The following FMC1 variants were observed in gnomAD, a reference collection of about 807,000 sequenced individuals.
FMC1 encodes the protein protein FMC1 homolog.
Under a neutral mutation model 10.5 loss-of-function variants are expected in FMC1, and 6 were observed. That is an observed-to-expected ratio of 0.57 (90% CI 0.31 to 1.12). The LOEUF is 1.12. Ranked by LOEUF, FMC1 falls within the 50% of genes most tolerant of loss-of-function variation. The probability of loss-of-function intolerance (pLI) is 0.05; values close to 1 mark genes in which losing one functional copy is unlikely to be tolerated. For synonymous variants in FMC1, 59 were observed against 62.1 expected, an observed-to-expected ratio of 0.95 and a Z score of 0.24; for missense variants, 146 against 151.7, an observed-to-expected ratio of 0.96 and a Z score of 0.20.
intron 1 of FMC1, among the ~76,000 whole-genome samples, chr7:139,342,911 A>G (rs1336512939): frequency 1.3e-5 from 2 of 152,182 alleles, no homozygotes; most frequent in East Asian, 3.8e-4. Context: ...CATAGGGGAA[A>G]TGGTTTCTGT....
intron 1 of FMC1, among the ~76,000 whole-genome samples, chr7:139,344,522 G>C (rs1425672919): frequency 6.6e-6 from 1 of 151,812 alleles, no homozygotes; most frequent in Non-Finnish European, 1.5e-5. Context: ...TTTTTTCTGA[G>C]TATTTTTTAT....
chr7:139,341,280 G>A (rs1798940506), upstream of FMC1: 9 of 1,492,572 alleles, frequency 6.0e-6, no homozygotes, highest in Non-Finnish European at 8.0e-6. Context: ...TCGATAGGGG[G>A]AGTCGGTAGT....
upstream of FMC1, chr7:139,340,491 G>A (rs900266226): frequency 5.0e-6 from 2 of 398,472 alleles, no homozygotes; most frequent in African/African-American, 4.1e-5. Context: ...CCCGTTCAAC[G>A]TCCGGAGCAT....
At chr7:139,340,914 G>A (rs138401272), upstream of FMC1, among the ~76,000 whole-genome samples, 1 of 151,764 alleles carries the variant, frequency 6.6e-6, no homozygotes, top group African/African-American at 2.4e-5. Flanking sequence ...ACACACCCAT[G>A]TCCTTTGTCT....
upstream of FMC1, chr7:139,341,022 T>A (rs558092812): frequency 4.8e-6 from 1 of 207,632 alleles, no homozygotes; most frequent in Non-Finnish European, 9.7e-6. Flanking sequence ...GCGTGTTCCA[T>A]ATCAAATCCA....
chr7:139,340,684 C>G (rs12056045), upstream of FMC1: 69,948 of 393,138 alleles, frequency 0.18, 6,527 homozygotes, highest in Middle Eastern at 0.24. Context: ...GTTGTGTGAG[C>G]GCGTCGTTTG....
Position 139,345,809 on chromosome 7 carries a change from A to G in FMC1, c.*105A>G. The G allele has an allele frequency of 7.9e-7, 1 of 1,259,646 alleles. No homozygotes were observed. The highest frequency in any genetic ancestry group is 1.1e-6 in the Non-Finnish European group (1 of 943,562). 78.0% of individuals were successfully genotyped at this position (1,259,646 alleles called of 1,614,324 possible). ...TTTTAAGTTTAAGGTTTTTCTCTGTAATTTTGTTTACTAGTTCTTAGGGGA... is the reference window on the plus strand; with the variant it reads ...TTTTAAGTTTAAGGTTTTTCTCTGTGATTTTGTTTACTAGTTCTTAGGGGA... On this transcript the variant is annotated 3_prime_UTR_variant, in exon 2 of 2. Coordinates refer to ENST00000297534, the MANE Select transcript of FMC1 (RefSeq NM_197964.5).
At chr7:139,344,293 C>G (rs949243282) in intron 1 of FMC1, among the ~76,000 whole-genome samples, 3 of 152,090 alleles carry the variant, frequency 2.0e-5, no homozygotes, top group Admixed American at 6.6e-5. Flanking sequence ...ACACCCCCCA[C>G]CCCCACTCAG....
upstream of FMC1, chr7:139,341,162 T>C (rs1468977592): frequency 9.3e-6 from 6 of 645,694 alleles, no homozygotes; most frequent in Admixed American, 6.9e-5. Flanking sequence ...GAGGTCCTGG[T>C]ACCTTCAGTT....
At chr7:139,340,685 GC>G (rs1457377237), upstream of FMC1, 1 of 393,234 alleles carries the variant, frequency 2.5e-6, no homozygotes, top group Admixed American at 4.4e-5. Context: ...TTGTGTGAGC[GC>G]GTCGTTTGCA....
At chr7:139,340,549 T>G, upstream of FMC1, 1 of 398,376 alleles carries the variant, frequency 2.5e-6, no homozygotes, top group Non-Finnish European at 4.4e-6. Flanking sequence ...TGTGGACTTT[T>G]GTTCTCTAAC....
Position 139,345,514 on chromosome 7 carries a change from A to G in FMC1, c.152A>G (p.Lys51Arg). 6.2e-7 allele frequency: 1 copy of G among 1,614,162 alleles called. No individual in the cohort carries two copies. Among genetic ancestry groups the G allele is most frequent in the South Asian group, 1.1e-5 (1 of 91,086 alleles). ...CTGCTTCTCTAGGTCACCAGTGAAA[A>G]GTTGTGCAGAGCCCAACATGAGCTT... ...AFRAHRVTSE[K>R]LCRAQHELHF... Residue 51 changes from lysine (K) to arginine (R), a missense_variant, in exon 2 of 2, where the codon AAG becomes AGG. Coordinates refer to ENST00000297534, the MANE Select transcript of FMC1 (RefSeq NM_197964.5).
intron 1 of FMC1, among the ~76,000 whole-genome samples, chr7:139,343,962 G>A (rs896337915): frequency 1.3e-5 from 2 of 150,734 alleles, no homozygotes; most frequent in East Asian, 3.9e-4. Flanking sequence ...GGTGGGGGGC[G>A]TATTATGTAG....
intron 1 of FMC1, among the ~76,000 whole-genome samples, chr7:139,343,845 G>T (rs1051311445): frequency 1.3e-5 from 2 of 150,840 alleles, no homozygotes; most frequent in African/African-American, 4.9e-5. Flanking sequence ...TGAGGCAGGA[G>T]GATCACTTGA....
intron 1 of FMC1, among the ~76,000 whole-genome samples, chr7:139,341,800 C>G (rs2131134257): frequency 1.3e-5 from 2 of 152,276 alleles, no homozygotes; most frequent in South Asian, 4.1e-4. Context: ...ATTGGCTGGT[C>G]TGTTGCCTCT....
upstream of FMC1, chr7:139,341,326 G>A (rs1798943678): frequency 6.4e-7 from 1 of 1,565,900 alleles, no homozygotes; most frequent in South Asian, 1.1e-5. Flanking sequence ...TGGGCCGGAG[G>A]AGGGGTTTTC....
chr7:139,345,801 T>C lies in FMC1; in HGVS notation c.*97T>C. The stretch of plus-strand genomic sequence containing the variant: ...TAAATTTTTTTTAAGTTTAAGGTTT[T>C]TCTCTGTAATTTTGTTTACTAGTTC... On this transcript the variant is annotated 3_prime_UTR_variant, in exon 2 of 2. Transcript: ENST00000297534. 1 of 1,325,856 alleles carries C rather than the reference T, an allele frequency of 7.5e-7. No individual in the cohort carries two copies. The allele number at this position is 1,325,856 out of a possible 1,614,324, so 82.1% of individuals were successfully genotyped here.
chr7:139,340,548 T>C (rs561064025), upstream of FMC1: 26 of 398,352 alleles, frequency 6.5e-5, no homozygotes, highest in Middle Eastern at 1.3e-3. Flanking sequence ...ATGTGGACTT[T>C]TGTTCTCTAA....
intron 1 of FMC1, among the ~76,000 whole-genome samples, chr7:139,343,793 G>A (rs1799119775): frequency 6.6e-6 from 1 of 151,900 alleles, no homozygotes; most frequent in African/African-American, 2.4e-5. Flanking sequence ...AAATTAGCCG[G>A]ATATGGTGGT....
Sources: allele counts gnomAD v4.1 joint callset (sites outside exome capture counted in the v4.1 genomes callset), GRCh38; gene constraint gnomAD v4.1.1; transcripts MANE v1.5; gene names NCBI Gene and HGNC (gene_info 2026-07-23, HGNC 2026-07-21).